LRRIQ3: variants seen among roughly 807,000 people sequenced by gnomAD.
LRRIQ3 encodes the protein leucine rich repeats and IQ motif containing 3.
LRRIQ3 carries 75 observed loss-of-function variants against 59.3 expected under a neutral mutation model. The ratio of observed to expected loss-of-function variants is 1.26; its 90% CI spans 1.05 to 1.53. The LOEUF is 1.53. Ranked by LOEUF, LRRIQ3 falls within the 40% of genes most tolerant of loss-of-function variation. LRRIQ3 has a pLI of 0.00. For missense variants in LRRIQ3, 831 were observed against 710.0 expected (o/e 1.17, Z -1.94); for synonymous variants, 250 against 231.3 (o/e 1.08, Z -0.73).
chr1:74,131,086 T>A (rs1446997527), intron 4 of LRRIQ3, among the ~76,000 whole-genome samples: 1 of 152,040 alleles, frequency 6.6e-6, no homozygotes, highest in Non-Finnish European at 1.5e-5. Context: ...CATCAAAGAA[T>A]ACTATAAACA....
chr1:74,180,991 G>A, intron 3 of LRRIQ3: 1 of 561,738 alleles, frequency 1.8e-6, no homozygotes, highest in Non-Finnish European at 3.1e-6. Context: ...TCTATTCTCT[G>A]TGCCTTTCCC....
Position 74,074,641 on chromosome 1 carries a change from T to G in LRRIQ3, c.997+20A>C. The G allele has an allele frequency of 8.9e-7, 1 of 1,127,370 alleles. No homozygotes were observed. Among genetic ancestry groups the G allele is most frequent in the South Asian group, 2.4e-5 (1 of 41,854 alleles). 69.8% of individuals were successfully genotyped at this position (1,127,370 alleles called of 1,614,324 possible). ...TCAAAATATATTTATTAAATATAAT[T>G]AAAAATTCATATAACTAACCTTTTT... On this transcript the variant is annotated intron_variant, in intron 6 of 7. Transcript: ENST00000354431.
chr1:74,106,102 G>C (rs937637368), intron 5 of LRRIQ3, among the ~76,000 whole-genome samples: 2 of 152,074 alleles, frequency 1.3e-5, no homozygotes, highest in East Asian at 3.9e-4. Context: ...TTAAGACAGA[G>C]GGTGTGAAAT....
At position 74,159,835 on chromosome 1, in the gene LRRIQ3, A is replaced by G. The variant is rs549076472; in HGVS notation, c.574-3969T>C. On this transcript the variant is annotated intron_variant, in intron 3 of 7. Transcript: ENST00000354431. ...ACTTGAATCAATCCACACTCATATT[A>G]TATTATCTATATAGTCATAAAAACG... Among the ~76,000 whole-genome samples the G allele has an allele frequency of 3.3e-5, 5 of 152,198 alleles. No individual in the cohort carries two copies. In the East Asian group the frequency reaches 9.7e-4, roughly 29 times the overall value.
At chr1:74,124,180 T>C (rs916924519) in intron 4 of LRRIQ3, among the ~76,000 whole-genome samples, 18 of 152,032 alleles carry the variant, frequency 1.2e-4, no homozygotes, top group African/African-American at 4.1e-4. Flanking sequence ...GAAGTGTTCA[T>C]TCAGAACTTT....
intron 4 of LRRIQ3, among the ~76,000 whole-genome samples, chr1:74,119,858 G>T (rs1342168928): frequency 6.6e-6 from 1 of 151,958 alleles, no homozygotes; most frequent in African/African-American, 2.4e-5. Flanking sequence ...ATTTGGAAAG[G>T]CATATTTCTT....
intron 4 of LRRIQ3, among the ~76,000 whole-genome samples, chr1:74,130,916 C>A (rs530576019): frequency 6.6e-6 from 1 of 152,140 alleles, no homozygotes; most frequent in South Asian, 2.1e-4. Flanking sequence ...ACACAAAAAA[C>A]CCTTCAAAGA....
chr1:74,161,111 C>G (rs965341629), intron 3 of LRRIQ3, among the ~76,000 whole-genome samples: 3 of 151,890 alleles, frequency 2.0e-5, no homozygotes, highest in African/African-American at 7.3e-5. Flanking sequence ...TGGATTAAGG[C>G]CCATTTCCTG....
At position 74,101,803 on chromosome 1, in the gene LRRIQ3, A is replaced by G. The variant is rs547325265; in HGVS notation, c.867+7591T>C. ...AAACCATCATTCTCATCAAACTATCACAAGGACAAAAAACCAAACACCGCA... is the reference window on the plus strand; with the variant it reads ...AAACCATCATTCTCATCAAACTATCGCAAGGACAAAAAACCAAACACCGCA... On this transcript the variant is annotated intron_variant, in intron 5 of 7. Transcript: ENST00000354431. Among the ~76,000 whole-genome samples the G allele has an allele frequency of 3.3e-4, 50 of 152,190 alleles. No homozygotes were observed. The South Asian group carries it at 0.01, about 32-fold the overall frequency.
At chr1:74,155,924 A>G (rs1003218664) in intron 3 of LRRIQ3, 58 bp from the exon 4 acceptor site, 2 of 989,542 alleles carry the variant, frequency 2.0e-6, no homozygotes, top group African/African-American at 1.7e-5. Context: ...TTTTCAAAAG[A>G]TATTTTAAAT....
chr1:74,051,234 A>T (rs1259210045), intron 6 of LRRIQ3, among the ~76,000 whole-genome samples: 1 of 152,212 alleles, frequency 6.6e-6, no homozygotes, highest in Non-Finnish European at 1.5e-5. Flanking sequence ...AAATGAAAAT[A>T]GAGCATTAAA....
chr1:74,143,540 A>G (rs1647366571), intron 4 of LRRIQ3, among the ~76,000 whole-genome samples: 1 of 151,860 alleles, frequency 6.6e-6, no homozygotes, highest in South Asian at 2.1e-4. Context: ...AAATGTTGGC[A>G]TACATTTATT....
chr1:74,047,321 T>A (rs1291485257), intron 6 of LRRIQ3, among the ~76,000 whole-genome samples: 1 of 152,100 alleles, frequency 6.6e-6, no homozygotes, highest in Non-Finnish European at 1.5e-5. Flanking sequence ...AAACCATCAT[T>A]CTCAGCAAAC....
chr1:74,091,887 G>A (rs1171095469), intron 5 of LRRIQ3, among the ~76,000 whole-genome samples: 1 of 151,874 alleles, frequency 6.6e-6, no homozygotes, highest in African/African-American at 2.4e-5. Flanking sequence ...ACTTATATTT[G>A]TTCTTTAATA....
chr1:74,046,397 C>T (rs1570021851), intron 6 of LRRIQ3, among the ~76,000 whole-genome samples: 1 of 152,112 alleles, frequency 6.6e-6, no homozygotes, highest in African/African-American at 2.4e-5. Flanking sequence ...GGAAAACTGG[C>T]TAGCCATATG....
chr1:74,032,044 A>G (rs1320847199), intron 7 of LRRIQ3, among the ~76,000 whole-genome samples: 1 of 151,898 alleles, frequency 6.6e-6, no homozygotes, highest in Non-Finnish European at 1.5e-5. Context: ...TATGATGTCA[A>G]TTTTTCCCAA....
chr1:74,146,892 G>T (rs1046710664), intron 4 of LRRIQ3, among the ~76,000 whole-genome samples: 7 of 152,158 alleles, frequency 4.6e-5, no homozygotes, highest in Non-Finnish European at 1.5e-5. Flanking sequence ...GACCTAAATA[G>T]TTAATATTGT....
chr1:74,108,002 G>A (rs1646637711), intron 5 of LRRIQ3, among the ~76,000 whole-genome samples: 1 of 151,358 alleles, frequency 6.6e-6, no homozygotes, highest in African/African-American at 2.4e-5. Context: ...CCTTGACAAT[G>A]GTACATTTTA....
intron 5 of LRRIQ3, among the ~76,000 whole-genome samples, chr1:74,081,643 A>T (rs573656289): frequency 6.6e-6 from 1 of 151,720 alleles, no homozygotes; most frequent in African/African-American, 2.4e-5. Context: ...TATAGTTTTC[A>T]TTTTATTTGA....
Sources: allele counts gnomAD v4.1 joint callset (sites outside exome capture counted in the v4.1 genomes callset), GRCh38; gene constraint gnomAD v4.1.1; transcripts MANE v1.5; gene names NCBI Gene and HGNC (gene_info 2026-07-23, HGNC 2026-07-21).